Variants in ITPKB observed in about 807,000 individuals in gnomAD.
ITPKB encodes IP3 3-kinase B.
In ITPKB, 13 loss-of-function variants were observed where a neutral mutation model predicts 69.4. The observed-to-expected ratio is 0.19, with a 90% CI of 0.12 to 0.30. The LOEUF (loss-of-function observed/expected upper bound fraction) is 0.30, where lower values mean the gene tolerates loss of function less well. Among genes scored for constraint, ITPKB ranks in the 10% least tolerant of loss-of-function variants. The probability of loss-of-function intolerance (pLI) is 1.00; values close to 1 mark genes in which losing one functional copy is unlikely to be tolerated. For missense variants in ITPKB, 1,240 were observed against 1,250.5 expected, an observed-to-expected ratio of 0.99 and a Z score of 0.13; for synonymous variants, 584 against 513.7, an observed-to-expected ratio of 1.14 and a Z score of -1.85.
rs774459314 is a variant in ITPKB, at chr1:226,736,055, C to T, written c.1404G>A (p.Ala468=). 19 of 1,613,264 alleles carry T rather than the reference C, an allele frequency of 1.2e-5. No homozygotes were observed. In the Admixed American group the frequency reaches 2.2e-4, roughly 18 times the overall value. Residue 468 remains alanine (A), a synonymous_variant, in exon 2 of 8, where the codon GCG becomes GCA. Transcript: ENST00000429204. ...CCAGCATTCTGCCAGAAGGAATTCC[C>T]GCCTCCACATTCCCGGTCCCCGGCT... The part of the protein sequence containing the change: ...SAQPGTGNVE[A]GIPSGRMLEP...
chr1:226,652,821 G>A (rs1362296977), intron 2 of ITPKB, among the ~76,000 whole-genome samples: 2 of 152,340 alleles, frequency 1.3e-5, no homozygotes, highest in African/African-American at 2.4e-5. Context: ...CTGGGGCTGT[G>A]AGCCTCTCTT....
intron 2 of ITPKB, among the ~76,000 whole-genome samples, chr1:226,674,648 C>T (rs1423125973): frequency 6.6e-6 from 1 of 152,214 alleles, no homozygotes; most frequent in South Asian, 2.1e-4. Flanking sequence ...GTTTTAGATA[C>T]TTAAAATACT....
At chr1:226,687,156 G>A (rs1247413823) in intron 2 of ITPKB, among the ~76,000 whole-genome samples, 9 of 152,306 alleles carry the variant, frequency 5.9e-5, no homozygotes, top group Admixed American at 2.6e-4. Context: ...TTTCTATAGC[G>A]TCATTTACAC....
intron 2 of ITPKB, among the ~76,000 whole-genome samples, chr1:226,674,441 C>G (rs937216853): frequency 1.3e-5 from 2 of 152,134 alleles, no homozygotes; most frequent in Admixed American, 6.5e-5. Flanking sequence ...TCGTGATCCA[C>G]CCACCTCAGC....
intron 2 of ITPKB, among the ~76,000 whole-genome samples, chr1:226,654,146 C>T (rs1416873184): frequency 6.6e-6 from 1 of 152,138 alleles, no homozygotes; most frequent in African/African-American, 2.4e-5. Context: ...CTGGAGACCT[C>T]TGGTGTGGTT....
chr1:226,735,925 T>C lies in ITPKB; in HGVS notation c.1534A>G (p.Thr512Ala), dbSNP rs753599178. Residue 512 changes from threonine (T) to alanine (A), a missense_variant, in exon 2 of 8, where the codon ACC becomes GCC. By Grantham distance (58) the Thr-to-Ala change is moderately conservative. Coordinates refer to ENST00000429204, the MANE Select transcript of ITPKB (RefSeq NM_002221.4). ...QPGNSRVWQG[T>A]MEKAGLAWTR... is the part of the protein sequence containing the mutation. ...CAAGCCAAACCGGCTTTCTCCATGGTGCCCTGCCAAACCCTGGAGTTCCCA... is the reference window on the plus strand; with the variant it reads ...CAAGCCAAACCGGCTTTCTCCATGGCGCCCTGCCAAACCCTGGAGTTCCCA... The C allele has an allele frequency of 1.9e-6, 3 of 1,613,954 alleles. No homozygotes were observed. The highest frequency in any genetic ancestry group is 2.5e-6 in the Non-Finnish European group (3 of 1,179,900).
Position 226,647,258 on chromosome 1 carries a change from C to T in ITPKB, c.2155G>A (p.Val719Met), listed in dbSNP as rs1465359045. 2 of 1,614,240 alleles carry T rather than the reference C, an allele frequency of 1.2e-6. No homozygotes were observed. The highest frequency in any genetic ancestry group is 1.7e-6 in the Non-Finnish European group (2 of 1,180,046). ...RPFVPAYHGD[V>M]VKDGERYNQM... ...TTGTAGCGCTCCCCGTCCTTCACCACATCCCCATGGTAGGCAGGTACGAAG... is the reference window on the plus strand; with the variant it reads ...TTGTAGCGCTCCCCGTCCTTCACCATATCCCCATGGTAGGCAGGTACGAAG... The change falls in exon 4 of 8, where the codon GTG (valine) becomes ATG (methionine). Residue 719 changes from valine (V) to methionine (M), a missense_variant. This residue lies in a region of ITPKB where 248 missense variants were observed against 396.7 expected (regional missense o/e 0.63). Transcript: ENST00000429204.
intron 2 of ITPKB, among the ~76,000 whole-genome samples, chr1:226,711,975 G>A (rs770150662): frequency 6.6e-6 from 1 of 152,166 alleles, no homozygotes; most frequent in Non-Finnish European, 1.5e-5. Context: ...CCTCCCTGCG[G>A]GGAAGGTTTT....
chr1:226,727,086 A>G (rs1415511639), intron 2 of ITPKB, among the ~76,000 whole-genome samples: 1 of 152,242 alleles, frequency 6.6e-6, no homozygotes, highest in East Asian at 1.9e-4. Flanking sequence ...GTTCCTCTCT[A>G]TAACAGTCGT....
At chr1:226,679,865 G>A (rs141242755) in intron 2 of ITPKB, among the ~76,000 whole-genome samples, 49 of 152,280 alleles carry the variant, frequency 3.2e-4, no homozygotes, top group South Asian at 1.7e-3. Context: ...TTCTGAAAGC[G>A]TCCTTTTCAC....
chr1:226,678,690 G>A (rs1655982651), intron 2 of ITPKB, among the ~76,000 whole-genome samples: 1 of 152,204 alleles, frequency 6.6e-6, no homozygotes, highest in Non-Finnish European at 1.5e-5. Flanking sequence ...TGGCCAGAGA[G>A]AAAAAGGGAG....
At chr1:226,700,956 A>T (rs1381288196) in intron 2 of ITPKB, among the ~76,000 whole-genome samples, 1 of 152,234 alleles carries the variant, frequency 6.6e-6, no homozygotes, top group Non-Finnish European at 1.5e-5. Context: ...TGGATGTTAG[A>T]TTACGTAGAG....
chr1:226,664,202 TG>T (rs1406571006), intron 2 of ITPKB, among the ~76,000 whole-genome samples: 1 of 152,142 alleles, frequency 6.6e-6, no homozygotes, highest in Non-Finnish European at 1.5e-5. Flanking sequence ...ATCTGAAAAA[TG>T]TATTCTGGAA....
chr1:226,724,491 C>T (rs374618740), intron 2 of ITPKB, among the ~76,000 whole-genome samples: 6 of 152,168 alleles, frequency 3.9e-5, no homozygotes, highest in African/African-American at 1.4e-4. Flanking sequence ...GCTATTGTAT[C>T]GAGCATTTAG....
rs112559528 is a variant in ITPKB, at chr1:226,639,650, G to T, written c.2460C>A (p.Asp820Glu). The change falls in exon 6 of 8, where the codon GAC becomes GAA. Residue 820 changes from aspartate to glutamate, a missense_variant. Asp to Glu is a conservative substitution (Grantham distance 45). Around this residue, in one of 2 missense-constraint regions of ITPKB, gnomAD observed 248 missense variants for 396.7 expected, o/e 0.63. Coordinates refer to ENST00000429204, the MANE Select transcript of ITPKB (RefSeq NM_002221.4). ...GFRIEGIKKE[D>E]GTVNRDFKKT... is the part of the protein sequence containing the mutation. ...TCTTGAAGTCCCGGTTCACGGTGCCGTCTTCTTTCTGAGAAAGAGAACACC... is the reference window on the plus strand; with the variant it reads ...TCTTGAAGTCCCGGTTCACGGTGCCTTCTTCTTTCTGAGAAAGAGAACACC... 2.7e-5 allele frequency: 44 copies of T among 1,611,956 alleles called. No individual in the cohort carries two copies. The highest frequency in any genetic ancestry group is 3.6e-5 in the Non-Finnish European group (42 of 1,178,156).
At chr1:226,654,832 A>T (rs1464098988) in intron 2 of ITPKB, among the ~76,000 whole-genome samples, 1 of 152,200 alleles carries the variant, frequency 6.6e-6, no homozygotes, top group Non-Finnish European at 1.5e-5. Context: ...AAACGGGCAT[A>T]ACCTCCAGGT....
intron 2 of ITPKB, among the ~76,000 whole-genome samples, chr1:226,649,462 A>G (rs575390463): frequency 2.2e-5 from 3 of 135,288 alleles, no homozygotes; most frequent in South Asian, 2.3e-4. Flanking sequence ...CATGTGTGAT[A>G]TGTGCATGTA....
In ITPKB at chr1:226,700,400, C is replaced by T. The variant is rs996681421; in HGVS notation, c.1932+35127G>A. 4.8e-5 allele frequency among the ~76,000 whole-genome samples: 6 copies of T among 125,638 alleles called. No homozygotes were observed. In the Admixed American group the frequency reaches 6.1e-4, roughly 13 times the overall value. The allele number at this position is 125,638 out of a possible 152,430, so 82.4% of individuals were successfully genotyped here. Reference sequence around the variant, plus strand: ...AGGGGAATCACTTGAATCCGGGAGGCGGAGATTGCAGTGAGCCCAGATCAC... The same window carrying T: ...AGGGGAATCACTTGAATCCGGGAGGTGGAGATTGCAGTGAGCCCAGATCAC... On this transcript the variant is annotated intron_variant, in intron 2 of 7. Coordinates refer to ENST00000429204, the MANE Select transcript of ITPKB (RefSeq NM_002221.4).
intron 2 of ITPKB, among the ~76,000 whole-genome samples, chr1:226,733,582 A>ACACACACAC (rs1558100805): frequency 6.6e-6 from 1 of 151,910 alleles, no homozygotes; most frequent in Non-Finnish European, 1.5e-5. Flanking sequence ...ACACACACAC[A>ACACACACAC]CACACACCCA....
Sources: allele counts gnomAD v4.1 joint callset (sites outside exome capture counted in the v4.1 genomes callset), GRCh38; gene constraint gnomAD v4.1.1; regional missense constraint gnomAD v4.1.1; transcripts MANE v1.5; gene names NCBI Gene and HGNC (gene_info 2026-07-23, HGNC 2026-07-21).